Variants in KCNAB1 observed in about 807,000 individuals in gnomAD.
The protein encoded by KCNAB1 is potassium voltage-gated channel subfamily A regulatory beta subunit 1.
A neutral mutation model predicts 64.6 loss-of-function variants in KCNAB1; 35 were observed. That is an observed-to-expected ratio of 0.54 (90% CI 0.41 to 0.72). The LOEUF (loss-of-function observed/expected upper bound fraction) is 0.72. Ranked by LOEUF, KCNAB1 falls within the 30% of genes least tolerant of loss-of-function variation. The probability of loss-of-function intolerance (pLI) is 0.00; values close to 1 mark genes in which losing one functional copy is unlikely to be tolerated. For synonymous variants in KCNAB1, 177 were observed against 183.8 expected, an observed-to-expected ratio of 0.96 and a Z score of 0.30; for missense variants, 401 against 512.9, an observed-to-expected ratio of 0.78 and a Z score of 2.11.
At chr3:156,131,215 G>T (rs1713977580) in intron 1 of KCNAB1, among the ~76,000 whole-genome samples, 2 of 152,166 alleles carry the variant, frequency 1.3e-5, no homozygotes, top group South Asian at 2.1e-4. Flanking sequence ...AAACAACACG[G>T]TTTTGAGGAG....
At chr3:156,150,489 G>A (rs1417532096) in intron 1 of KCNAB1, among the ~76,000 whole-genome samples, 1 of 152,112 alleles carries the variant, frequency 6.6e-6, no homozygotes, top group Middle Eastern at 3.2e-3. Context: ...ACAATACTGG[G>A]TTACAGGGAT....
chr3:156,270,162 C>T (rs952450132), intron 1 of KCNAB1, among the ~76,000 whole-genome samples: 5 of 152,048 alleles, frequency 3.3e-5, no homozygotes, highest in African/African-American at 7.2e-5. Context: ...GTGATCTGTC[C>T]GCCTCGGCCT....
intron 1 of KCNAB1, among the ~76,000 whole-genome samples, chr3:156,390,879 C>T (rs780431746): frequency 1.3e-5 from 2 of 152,138 alleles, no homozygotes; most frequent in Non-Finnish European, 2.9e-5. Flanking sequence ...GCCACAGCGC[C>T]CGGCCTTTGT....
intron 2 of KCNAB1, among the ~76,000 whole-genome samples, chr3:156,434,313 G>A (rs1416460438): frequency 6.6e-6 from 1 of 152,138 alleles, no homozygotes; most frequent in African/African-American, 2.4e-5. Context: ...CAAGCTCAAC[G>A]ACTTGAGTAT....
chr3:156,344,439 C>T (rs1310613661), intron 1 of KCNAB1, among the ~76,000 whole-genome samples: 2 of 152,168 alleles, frequency 1.3e-5, no homozygotes, highest in African/African-American at 2.4e-5. Context: ...TGCGTACCTC[C>T]CTCTTAACAT....
intron 5 of KCNAB1, among the ~76,000 whole-genome samples, chr3:156,463,306 C>CAAACAACAAA: frequency 6.6e-6 from 1 of 152,142 alleles, no homozygotes; most frequent in African/African-American, 2.4e-5. Flanking sequence ...GTTCATTTGA[C>CAAACAACAAA]TTACTAAAGC....
intron 8 of KCNAB1, among the ~76,000 whole-genome samples, chr3:156,506,356 T>C (rs1213906394): frequency 1.3e-5 from 2 of 152,200 alleles, no homozygotes; most frequent in Non-Finnish European, 1.5e-5. Context: ...ACAGTTGCTG[T>C]TCAGAGCCTT....
intron 7 of KCNAB1, among the ~76,000 whole-genome samples, chr3:156,471,506 A>G (rs1240413454): frequency 6.6e-6 from 1 of 152,226 alleles, no homozygotes; most frequent in Non-Finnish European, 1.5e-5. Context: ...CTTTCCACAG[A>G]CGCTGGGTTA....
At chr3:156,521,138 C>T (rs1173018137) in intron 11 of KCNAB1, among the ~76,000 whole-genome samples, 1 of 152,246 alleles carries the variant, frequency 6.6e-6, no homozygotes, top group East Asian at 1.9e-4. Flanking sequence ...TCAATTGTCC[C>T]TTTGACAAAT....
intron 1 of KCNAB1, among the ~76,000 whole-genome samples, chr3:156,397,905 G>A (rs1001445380): frequency 3.9e-5 from 6 of 152,090 alleles, no homozygotes; most frequent in African/African-American, 1.4e-4. Context: ...AAGCTCTTTG[G>A]AAATAAGAGC....
At chr3:156,305,187 A>G (rs1194125412) in intron 1 of KCNAB1, among the ~76,000 whole-genome samples, 1 of 152,208 alleles carries the variant, frequency 6.6e-6, no homozygotes, top group African/African-American at 2.4e-5. Context: ...TAAAATTGTC[A>G]TTAATATCAG....
intron 8 of KCNAB1, among the ~76,000 whole-genome samples, chr3:156,492,194 A>G (rs1055245875): frequency 6.6e-6 from 1 of 152,148 alleles, no homozygotes; most frequent in African/African-American, 2.4e-5. Flanking sequence ...AAGTGAATTG[A>G]GCGTTTCTTT....
At chr3:156,429,706 C>T (rs1425213891) in intron 2 of KCNAB1, among the ~76,000 whole-genome samples, 8 of 151,956 alleles carry the variant, frequency 5.3e-5, no homozygotes, top group African/African-American at 9.7e-5. Context: ...TTGTTTAGGC[C>T]GATATAAACT....
chr3:156,273,759 G>C (rs987634176), intron 1 of KCNAB1: 1 of 424,206 alleles, frequency 2.4e-6, no homozygotes, highest in African/African-American at 2.0e-5. Context: ...GTGTTCCTGT[G>C]GGGAGGATGA....
intron 8 of KCNAB1, among the ~76,000 whole-genome samples, chr3:156,482,474 C>A: frequency 6.9e-6 from 1 of 145,256 alleles, no homozygotes; most frequent in East Asian, 2.0e-4. Flanking sequence ...GAGAAACAAA[C>A]TAATCATGGG....
chr3:156,479,125 A>C (rs142722253), intron 8 of KCNAB1, among the ~76,000 whole-genome samples: 240 of 152,262 alleles, frequency 1.6e-3, no homozygotes, highest in African/African-American at 5.6e-3. Flanking sequence ...TGTCTCTGCT[A>C]CAATATCTGG....
intron 10 of KCNAB1, 130 bp downstream of exon 10, chr3:156,515,350 C>A: frequency 1.3e-6 from 1 of 775,246 alleles, no homozygotes; most frequent in African/African-American, 1.8e-5. Flanking sequence ...ATTGTAAGAA[C>A]CATGCATTCC....
chr3:156,347,615 C>A (rs55818638), intron 1 of KCNAB1, among the ~76,000 whole-genome samples: 23,254 of 152,114 alleles, frequency 0.15, 4,404 homozygotes, highest in African/African-American at 0.45. Context: ...AAAATACATC[C>A]AAACAGTACT....
At chr3:156,307,387 G>A (rs16825987) in intron 1 of KCNAB1, among the ~76,000 whole-genome samples, 1 of 149,090 alleles carries the variant, frequency 6.7e-6, no homozygotes, top group Non-Finnish European at 1.5e-5. Flanking sequence ...TTTATTGTTG[G>A]TCTACCTCCA....
Sources: allele counts gnomAD v4.1 joint callset (sites outside exome capture counted in the v4.1 genomes callset), GRCh38; gene constraint gnomAD v4.1.1; transcripts MANE v1.5; gene names NCBI Gene and HGNC (gene_info 2026-07-23, HGNC 2026-07-21).